ANKRD45: variants seen among roughly 807,000 people sequenced by gnomAD.
The protein encoded by ANKRD45 is ankyrin repeat domain-containing protein 45.
A neutral mutation model predicts 28.1 loss-of-function variants in ANKRD45; 21 were observed. That is an observed-to-expected ratio of 0.75 (90% CI 0.53 to 1.08). The LOEUF (loss-of-function observed/expected upper bound fraction) is 1.08, where lower values mean the gene tolerates loss of function less well. ANKRD45 is among the 50% of genes least tolerant of loss of function. The probability of loss-of-function intolerance (pLI) is 0.00; values close to 1 mark genes in which losing one functional copy is unlikely to be tolerated. For synonymous variants in ANKRD45, 86 were observed against 103.9 expected, an observed-to-expected ratio of 0.83 and a Z score of 1.05; for missense variants, 261 against 308.7, an observed-to-expected ratio of 0.85 and a Z score of 1.16.
At chr1:173,629,560 A>C (rs1668095857) in intron 3 of ANKRD45, among the ~76,000 whole-genome samples, 1 of 152,048 alleles carries the variant, frequency 6.6e-6, no homozygotes, top group South Asian at 2.1e-4. Flanking sequence ...GATCAAGCAG[A>C]AGAAAGAACT....
the ANKRD45 span, among the ~76,000 whole-genome samples, chr1:173,691,376 G>C: frequency 2.0e-5 from 3 of 152,214 alleles, no homozygotes; most frequent in African/African-American, 7.2e-5. Flanking sequence ...ACCGTCCCCA[G>C]AGGGAAATGT....
At chr1:173,610,797 A>C (rs565175006) in intron 5 of ANKRD45, among the ~76,000 whole-genome samples, 27 of 152,302 alleles carry the variant, frequency 1.8e-4, no homozygotes, top group African/African-American at 6.3e-4. Flanking sequence ...TCTCTAAAAA[A>C]AAAATTGTAA....
the ANKRD45 span, among the ~76,000 whole-genome samples, chr1:173,679,003 A>G: frequency 6.6e-6 from 1 of 152,174 alleles, no homozygotes; most frequent in Non-Finnish European, 1.5e-5. Flanking sequence ...GGTGTGAAGG[A>G]CCTCTTCAAG....
chr1:173,630,818 TAAAAAAAAA>T (rs60007196), intron 3 of ANKRD45, among the ~76,000 whole-genome samples: 9 of 29,066 alleles, frequency 3.1e-4, no homozygotes, highest in South Asian at 1.6e-3. Context: ...AGACTCTGTC[TAAAAAAAAA>T]AAAAAAAAAA....
At chr1:173,682,134 T>G in the ANKRD45 span, among the ~76,000 whole-genome samples, 2 of 152,128 alleles carry the variant, frequency 1.3e-5, no homozygotes, top group African/African-American at 4.8e-5. Flanking sequence ...CAATTTTATT[T>G]AAATAGGGAC....
intron 5 of ANKRD45, among the ~76,000 whole-genome samples, chr1:173,618,379 A>C (rs1324662558): frequency 6.6e-6 from 1 of 152,218 alleles, no homozygotes; most frequent in Non-Finnish European, 1.5e-5. Context: ...CAATGCAAAG[A>C]AGCTAAGAAT....
chr1:173,707,909 T>A, the ANKRD45 span, among the ~76,000 whole-genome samples: 6 of 152,216 alleles, frequency 3.9e-5, no homozygotes, highest in Admixed American at 2.0e-4. Context: ...CATCATTTAT[T>A]AAACAGTGCC....
chr1:173,669,690 G>A, intron 1 of ANKRD45, 127 bp downstream of exon 1: 1 of 331,276 alleles, frequency 3.0e-6, no homozygotes, highest in South Asian at 2.7e-5. Context: ...GTGTGAGGAC[G>A]CTGAGATTGA....
chr1:173,682,753 CTT>C, the ANKRD45 span, among the ~76,000 whole-genome samples: 2 of 150,224 alleles, frequency 1.3e-5, no homozygotes, highest in East Asian at 1.9e-4. Flanking sequence ...ATTAAGCTGA[CTT>C]TAACTATTGA....
the ANKRD45 span, among the ~76,000 whole-genome samples, chr1:173,704,776 T>C: frequency 6.6e-6 from 1 of 152,192 alleles, no homozygotes; most frequent in African/African-American, 2.4e-5. Flanking sequence ...ACTGTTGCAG[T>C]TGGACTCCTC....
At chr1:173,656,271 ACT>A (rs778789333) in intron 2 of ANKRD45, among the ~76,000 whole-genome samples, 1 of 152,124 alleles carries the variant, frequency 6.6e-6, no homozygotes, top group Non-Finnish European at 1.5e-5. Flanking sequence ...CTTTTGTCAG[ACT>A]TATTCCTAGT....
At chr1:173,691,271 T>G in the ANKRD45 span, among the ~76,000 whole-genome samples, 135 of 152,222 alleles carry the variant, frequency 8.9e-4, no homozygotes, top group Non-Finnish European at 1.6e-3. Context: ...TGCTGAGAGC[T>G]CAGGTTATTC....
chr1:173,613,548 G>A (rs1471621622), intron 5 of ANKRD45, among the ~76,000 whole-genome samples: 2 of 146,578 alleles, frequency 1.4e-5, no homozygotes, highest in Non-Finnish European at 1.5e-5. Flanking sequence ...GTCCGGGAGG[G>A]AGGTGGGGGG....
intron 1 of ANKRD45, among the ~76,000 whole-genome samples, chr1:173,666,270 C>G (rs145522990): frequency 4.5e-4 from 69 of 152,282 alleles, no homozygotes; most frequent in Admixed American, 3.5e-3. Context: ...AAATGGCTCT[C>G]CTGGATCTCC....
intron 5 of ANKRD45, among the ~76,000 whole-genome samples, chr1:173,612,974 C>A (rs1434501534): frequency 6.6e-6 from 1 of 152,146 alleles, no homozygotes; most frequent in Non-Finnish European, 1.5e-5. Context: ...GCCTTGGCCT[C>A]CCAAAATGCC....
intron 3 of ANKRD45, chr1:173,635,503 T>C (rs1400989992): frequency 5.4e-6 from 8 of 1,479,068 alleles, no homozygotes; most frequent in Middle Eastern, 1.8e-4. Context: ...GCTACTTTTT[T>C]TTCAATTGAC....
the ANKRD45 span, among the ~76,000 whole-genome samples, chr1:173,692,978 T>C: frequency 6.6e-6 from 1 of 152,164 alleles, no homozygotes; most frequent in Non-Finnish European, 1.5e-5. Flanking sequence ...TTCTTATATT[T>C]TAACGTTAAA....
intron 3 of ANKRD45, among the ~76,000 whole-genome samples, chr1:173,644,084 C>G (rs1026685996): frequency 6.6e-6 from 1 of 152,040 alleles, no homozygotes; most frequent in African/African-American, 2.4e-5. Context: ...TTTAAAAATC[C>G]CCAAACCTCT....
upstream of ANKRD45, among the ~76,000 whole-genome samples, chr1:173,673,103 T>C (rs1342395706): frequency 6.6e-6 from 1 of 151,184 alleles, no homozygotes; most frequent in Non-Finnish European, 1.5e-5. Flanking sequence ...AAAAACTACA[T>C]TTCTATACTT....
Sources: allele counts gnomAD v4.1 joint callset (sites outside exome capture counted in the v4.1 genomes callset), GRCh38; gene constraint gnomAD v4.1.1; transcripts MANE v1.5; gene names NCBI Gene and HGNC (gene_info 2026-07-23, HGNC 2026-07-21).